Variants in STXBP5L observed in about 807,000 individuals in gnomAD.
STXBP5L encodes the protein syntaxin binding protein 5L, also known as syntaxin-binding protein 5-like.
Under a neutral mutation model 144.5 loss-of-function variants are expected in STXBP5L, and 65 were observed. That is an observed-to-expected ratio of 0.45 (90% confidence interval 0.37 to 0.55). STXBP5L has a LOEUF of 0.55. Ranked by LOEUF, STXBP5L falls within the 20% of genes least tolerant of loss-of-function variation. The pLI is 0.00. For synonymous variants in STXBP5L, 505 were observed against 469.6 expected, an observed-to-expected ratio of 1.08 and a Z score of -0.97; for missense variants, 1,298 against 1,405.5, an observed-to-expected ratio of 0.92 and a Z score of 1.22.
chr3:121,352,389 G>A (rs767047393), intron 20 of STXBP5L, among the ~76,000 whole-genome samples: 2 of 152,032 alleles, frequency 1.3e-5, no homozygotes, highest in Non-Finnish European at 2.9e-5. Context: ...TCCTTGAAGA[G>A]GTCCTTCACA....
At chr3:120,998,984 TGAG>T (rs1273855546) in intron 3 of STXBP5L, among the ~76,000 whole-genome samples, 3 of 152,148 alleles carry the variant, frequency 2.0e-5, no homozygotes, top group African/African-American at 7.2e-5. Context: ...CAAAAATCAT[TGAG>T]GAGTAGATTG....
intron 10 of STXBP5L, among the ~76,000 whole-genome samples, chr3:121,206,548 G>T (rs550969957): frequency 6.6e-6 from 1 of 152,160 alleles, no homozygotes; most frequent in South Asian, 2.1e-4. Flanking sequence ...CCTGCCTCAC[G>T]CCTGTAACCC....
At chr3:120,999,923 G>A (rs552130187) in intron 3 of STXBP5L, among the ~76,000 whole-genome samples, 124 of 152,266 alleles carry the variant, frequency 8.1e-4, no homozygotes, top group African/African-American at 2.9e-3. Flanking sequence ...CTTTAATGAT[G>A]TTGAATATAG....
Position 121,192,422 on chromosome 3 carries a change from G to A in STXBP5L, c.878-13501G>A, listed in dbSNP as rs567796544. On this transcript the variant is annotated intron_variant, in intron 9 of 26. Coordinates refer to ENST00000471454, the MANE Select transcript of STXBP5L (RefSeq NM_001308330.2). ...CAAGTTAATTTATAGATTCAATGCCGTCTCCATCAAGCTATCAATGACTTT... is the reference window on the plus strand; with the variant it reads ...CAAGTTAATTTATAGATTCAATGCCATCTCCATCAAGCTATCAATGACTTT... 4.1e-3 allele frequency among the ~76,000 whole-genome samples: 624 copies of A among 152,116 alleles called. 5 individuals are homozygous for A. The highest frequency in any genetic ancestry group is 0.014 in the African/African-American group (582 of 41,504).
intron 2 of STXBP5L, among the ~76,000 whole-genome samples, chr3:120,921,911 T>C (rs1709376436): frequency 6.6e-6 from 1 of 151,974 alleles, no homozygotes; most frequent in Non-Finnish European, 1.5e-5. Flanking sequence ...TGCCTCTAGC[T>C]TTGTTGTTTT....
At chr3:121,183,695 A>G (rs1375199599) in intron 9 of STXBP5L, among the ~76,000 whole-genome samples, 2 of 152,064 alleles carry the variant, frequency 1.3e-5, no homozygotes, top group African/African-American at 4.8e-5. Context: ...GAAGCAAGGA[A>G]GGGCAAGGAA....
Position 121,419,924 on chromosome 3 carries a change from G to A in STXBP5L, c.*827G>A, listed in dbSNP as rs985858211. On this transcript the variant is annotated 3_prime_UTR_variant, in exon 27 of 27. Transcript: ENST00000471454. ...TACTCTATAGGGGAGTTGGTAGTAG[G>A]TGTGGGGAATCTATAGGAACAATAG... is the stretch of plus-strand genomic sequence containing the variant. 1 of 152,154 alleles carries A rather than the reference G, an allele frequency of 6.6e-6. No individual in the cohort carries two copies. The highest frequency in any genetic ancestry group is 2.4e-5 in the African/African-American group (1 of 41,446). 9.4% of individuals were successfully genotyped at this position (152,154 alleles called of 1,614,324 possible).
chr3:121,133,721 G>A (rs1311490455), intron 7 of STXBP5L, among the ~76,000 whole-genome samples: 18 of 152,164 alleles, frequency 1.2e-4, no homozygotes, highest in Admixed American at 1.2e-3. Context: ...CTGAGACTGG[G>A]TAATTTATAA....
At chr3:121,089,256 A>T (rs971188022) in intron 5 of STXBP5L, among the ~76,000 whole-genome samples, 1 of 151,656 alleles carries the variant, frequency 6.6e-6, no homozygotes. Context: ...TTCTGTTTAG[A>T]AAACTCCATA....
At chr3:121,137,750 T>A (rs1177275681) in intron 7 of STXBP5L, among the ~76,000 whole-genome samples, 1 of 152,104 alleles carries the variant, frequency 6.6e-6, no homozygotes, top group Non-Finnish European at 1.5e-5. Flanking sequence ...ATATAAATTT[T>A]CAGTAAATTA....
chr3:121,038,461 A>G (rs1267108556), intron 3 of STXBP5L, among the ~76,000 whole-genome samples: 1 of 151,786 alleles, frequency 6.6e-6, no homozygotes, highest in Admixed American at 6.6e-5. Flanking sequence ...CAGAAACTAT[A>G]CTCTTTATGA....
intron 19 of STXBP5L, among the ~76,000 whole-genome samples, chr3:121,311,912 T>C (rs2043542432): frequency 6.6e-6 from 1 of 152,110 alleles, no homozygotes; most frequent in Non-Finnish European, 1.5e-5. Context: ...AGAACAAAGC[T>C]GGAGGCATCA....
intron 5 of STXBP5L, among the ~76,000 whole-genome samples, chr3:121,076,908 G>A (rs573614469): frequency 1.5e-4 from 23 of 152,132 alleles, no homozygotes; most frequent in African/African-American, 4.6e-4. Context: ...TACTTAGCCC[G>A]GAGAGTGCCT....
At chr3:121,194,493 C>A (rs1222652795) in intron 9 of STXBP5L, among the ~76,000 whole-genome samples, 1 of 144,394 alleles carries the variant, frequency 6.9e-6, no homozygotes, top group African/African-American at 2.6e-5. Flanking sequence ...TATGATCATG[C>A]CACTGCACTC....
At chr3:121,343,454 A>C (rs951976722) in intron 20 of STXBP5L, among the ~76,000 whole-genome samples, 1 of 152,138 alleles carries the variant, frequency 6.6e-6, no homozygotes, top group Admixed American at 6.6e-5. Context: ...GAGGAAGTCA[A>C]ATTATCCCTG....
intron 19 of STXBP5L, chr3:121,282,383 G>C: frequency 6.4e-7 from 1 of 1,563,686 alleles, no homozygotes; most frequent in Non-Finnish European, 8.8e-7. Flanking sequence ...AAGACATAAT[G>C]CTTGAGTTAA....
intron 20 of STXBP5L, among the ~76,000 whole-genome samples, chr3:121,376,590 A>G (rs551049620): frequency 4.6e-4 from 70 of 152,260 alleles, no homozygotes; most frequent in African/African-American, 1.6e-3. Flanking sequence ...CCACTGGTCT[A>G]TATATCTGTT....
At chr3:120,944,190 C>T (rs1683984) in intron 2 of STXBP5L, among the ~76,000 whole-genome samples, 119,091 of 149,406 alleles carry the variant, frequency 0.8, 47,901 homozygotes, top group Admixed American at 0.84. Flanking sequence ...CTTTTTTTTT[C>T]CCTTTGGAAA....
In STXBP5L at chr3:121,115,156, T is replaced by C. The variant is rs1271194408; in HGVS notation, c.605+97T>C. 75 of 1,172,912 alleles carry C rather than the reference T, an allele frequency of 6.4e-5. 1 individual carries two copies. Among genetic ancestry groups the C allele is most frequent in the Non-Finnish European group, 4.8e-5 (41 of 849,222 alleles). The allele number at this position is 1,172,912 out of a possible 1,614,324, so 72.7% of individuals were successfully genotyped here. A position where few individuals can be genotyped will look rare whatever the true frequency, so the allele number is the denominator to read the frequency against. ...TACAGTTATTTGATACGTCTATTAC[T>C]AATTTATAATGAATTTGAGTGAAAA... On this transcript the variant is annotated intron_variant, in intron 6 of 26. Coordinates refer to ENST00000471454, the MANE Select transcript of STXBP5L (RefSeq NM_001308330.2).
Sources: gnomAD v4.1 joint callset for allele counts (sites outside exome capture counted in the v4.1 genomes callset) on GRCh38, gnomAD v4.1.1 for gene constraint, MANE v1.5 for transcripts, NCBI Gene and HGNC (gene_info 2026-07-23, HGNC 2026-07-21) for gene names.